EHBP1: variants seen among roughly 807,000 people sequenced by gnomAD.
The protein encoded by EHBP1 is EH domain-binding protein 1.
Under a neutral mutation model 144.0 loss-of-function variants are expected in EHBP1, and 55 were observed. That is an observed-to-expected ratio of 0.38 (90% CI 0.31 to 0.48). The LOEUF is 0.48. EHBP1 is among the 20% of genes least tolerant of loss of function. The probability of loss-of-function intolerance (pLI) is 0.98; values close to 1 mark genes in which losing one functional copy is unlikely to be tolerated. For missense variants in EHBP1, 1,200 were observed against 1,364.2 expected, an observed-to-expected ratio of 0.88 and a Z score of 1.90; for synonymous variants, 469 against 472.7, an observed-to-expected ratio of 0.99 and a Z score of 0.10.
chr2:63,008,059 T>C (rs1181260534), intron 19 of EHBP1, among the ~76,000 whole-genome samples: 4 of 151,730 alleles, frequency 2.6e-5, no homozygotes, highest in African/African-American at 9.7e-5. Flanking sequence ...CAGATTAGAC[T>C]AGGGGATCCT....
intron 7 of EHBP1, among the ~76,000 whole-genome samples, chr2:62,848,014 A>G (rs2048413709): frequency 6.6e-6 from 1 of 151,990 alleles, no homozygotes; most frequent in Admixed American, 6.6e-5. Flanking sequence ...AAGGCTGTGG[A>G]CCAACAAACT....
intron 12 of EHBP1, among the ~76,000 whole-genome samples, chr2:62,945,517 A>C (rs1388320748): frequency 6.6e-6 from 1 of 152,188 alleles, no homozygotes; most frequent in Non-Finnish European, 1.5e-5. Context: ...TCTAAAACCA[A>C]AAATGTGTAT....
intron 5 of EHBP1, among the ~76,000 whole-genome samples, chr2:62,799,596 A>G (rs1005307398): frequency 6.6e-6 from 1 of 152,224 alleles, no homozygotes; most frequent in African/African-American, 2.4e-5. Flanking sequence ...AGATCCTACA[A>G]ATTGCCCTGA....
rs149816938 is a variant in EHBP1 at position 62,953,923 on chromosome 2, C to T, written c.2317-1594C>T. ...GACTATAAAATCACAGAATTTAGAG[C>T]TAGTGAGATCTTAAAGATGATCCCT... On this transcript the variant is annotated intron_variant, in intron 13 of 22. Coordinates refer to ENST00000431489, the MANE Select transcript of EHBP1 (RefSeq NM_001142616.3). Among the ~76,000 whole-genome samples, 424 of 152,220 alleles carry T rather than the reference C, an allele frequency of 2.8e-3. 4 individuals carry two copies. Among genetic ancestry groups the T allele is most frequent in the African/African-American group, 9.6e-3 (397 of 41,550 alleles).
intron 10 of EHBP1, among the ~76,000 whole-genome samples, chr2:62,911,246 T>C (rs947598985): frequency 8.5e-5 from 13 of 152,172 alleles, no homozygotes; most frequent in African/African-American, 2.9e-4. Context: ...AAAATAGGAA[T>C]AATAATAGTG....
At chr2:62,942,939 A>G (rs753046431) in intron 11 of EHBP1, 43 bp downstream of exon 11, 2 of 1,370,716 alleles carry the variant, frequency 1.5e-6, no homozygotes, top group Non-Finnish European at 2.0e-6. Context: ...TGTAAGTGAT[A>G]GACATTTTTG....
chr2:62,783,688 A>C (rs892948988), intron 5 of EHBP1, among the ~76,000 whole-genome samples: 2 of 152,226 alleles, frequency 1.3e-5, no homozygotes, highest in Non-Finnish European at 2.9e-5. Flanking sequence ...AAGGCTGCAC[A>C]CAGCAGGGGA....
intron 5 of EHBP1, among the ~76,000 whole-genome samples, chr2:62,809,122 C>G (rs552804403): frequency 1.3e-5 from 2 of 151,982 alleles, no homozygotes; most frequent in Admixed American, 1.3e-4. Context: ...GAAACCCTGT[C>G]TCTATTAAAA....
chr2:62,748,319 C>G (rs1248315868), intron 3 of EHBP1, among the ~76,000 whole-genome samples: 1 of 151,728 alleles, frequency 6.6e-6, no homozygotes, highest in Non-Finnish European at 1.5e-5. Flanking sequence ...GGAGTGGAAC[C>G]GAATTTTATA....
At chr2:62,858,314 C>A in intron 7 of EHBP1, 3 of 754,060 alleles carry the variant, frequency 4.0e-6, no homozygotes, top group Non-Finnish European at 4.5e-6. Flanking sequence ...CCAAACATCT[C>A]CTCTTTGTCT....
At chr2:62,784,174 T>C (rs1183402442) in intron 5 of EHBP1, among the ~76,000 whole-genome samples, 1 of 152,244 alleles carries the variant, frequency 6.6e-6, no homozygotes, top group African/African-American at 2.4e-5. Context: ...AAAATCATGA[T>C]GTATTTACTT....
intron 5 of EHBP1, 168 bp from the exon 6 acceptor site, chr2:62,825,919 A>C (rs542479320): frequency 4.3e-6 from 2 of 464,872 alleles, no homozygotes; most frequent in Admixed American, 4.3e-5. Flanking sequence ...AAATGTAACA[A>C]CTGTGATACA....
chr2:62,694,502 C>CAA (rs71410958), intron 1 of EHBP1, among the ~76,000 whole-genome samples: 27 of 120,892 alleles, frequency 2.2e-4, no homozygotes, highest in Admixed American at 4.0e-4. Context: ...CCTCCCATGA[C>CAA]AAAAAAAAAA....
In EHBP1 at chr2:63,019,830, G is replaced by GGGAAGGAAGGAAGGAAGGAA. The variant is rs539462695; in HGVS notation, c.3104-17660_3104-17641dup. Among the ~76,000 whole-genome samples the GGGAAGGAAGGAAGGAAGGAA allele has an allele frequency of 5.7e-4, 20 of 34,792 alleles. 1 individual carries two copies. Among genetic ancestry groups the GGGAAGGAAGGAAGGAAGGAA allele is most frequent in the African/African-American group, 8.2e-4 (6 of 7,338 alleles). 22.8% of individuals were successfully genotyped at this position (34,792 alleles called of 152,430 possible). Reference sequence around the variant, plus strand: ...AAGGATAGGGAAGGGAAGAGGGGGAGGGAAGGAAGGAAGGAAGGAAGGAAG... The same window carrying GGGAAGGAAGGAAGGAAGGAA: ...AAGGATAGGGAAGGGAAGAGGGGGAGGGAAGGAAGGAAGGAAGGAAGGAAGGAAGGAAGGAAGGAAGGAAG... On this transcript the variant is annotated intron_variant, in intron 19 of 22. Coordinates refer to ENST00000431489, the MANE Select transcript of EHBP1 (RefSeq NM_001142616.3).
intron 21 of EHBP1, among the ~76,000 whole-genome samples, chr2:63,043,527 T>C (rs2061767851): frequency 6.6e-6 from 1 of 152,228 alleles, no homozygotes; most frequent in South Asian, 2.1e-4. Context: ...ATAAATTGAA[T>C]AAAACAGTCT....
At chr2:62,900,760 TA>T (rs1156228579) in intron 10 of EHBP1, among the ~76,000 whole-genome samples, 1 of 151,676 alleles carries the variant, frequency 6.6e-6, no homozygotes, top group Non-Finnish European at 1.5e-5. Context: ...GAAATTATAG[TA>T]AAATATATTG....
intron 10 of EHBP1, among the ~76,000 whole-genome samples, chr2:62,914,820 A>C (rs963504618): frequency 6.6e-6 from 1 of 152,050 alleles, no homozygotes; most frequent in Non-Finnish European, 1.5e-5. Flanking sequence ...TTAGGTTGAA[A>C]AGGAATGCCC....
chr2:62,683,740 A>AG (rs1418021107), intron 1 of EHBP1, among the ~76,000 whole-genome samples: 2 of 151,684 alleles, frequency 1.3e-5, no homozygotes, highest in Non-Finnish European at 2.9e-5. Context: ...CTAGGAAAGA[A>AG]GGGGGAATTA....
intron 5 of EHBP1, among the ~76,000 whole-genome samples, chr2:62,810,571 G>C (rs2044909712): frequency 6.6e-6 from 1 of 152,222 alleles, no homozygotes. Context: ...GCTATGTTGA[G>C]TTTGTAATGT....
Sources: gnomAD v4.1 joint callset for allele counts (sites outside exome capture counted in the v4.1 genomes callset) on GRCh38, gnomAD v4.1.1 for gene constraint, MANE v1.5 for transcripts, NCBI Gene and HGNC (gene_info 2026-07-23, HGNC 2026-07-21) for gene names.